Variants in CNTN5 observed in about 807,000 individuals in gnomAD.
The protein encoded by CNTN5 is contactin-5.
A neutral mutation model predicts 129.1 loss-of-function variants in CNTN5; 77 were observed. The observed-to-expected ratio is 0.60, with a 90% CI of 0.50 to 0.72. The LOEUF (loss-of-function observed/expected upper bound fraction) is 0.72, where lower values mean the gene tolerates loss of function less well. Ranked by LOEUF, CNTN5 falls within the 30% of genes least tolerant of loss-of-function variation. The pLI is 0.00. For synonymous variants in CNTN5, 509 were observed against 465.6 expected (o/e 1.09, Z -1.20); for missense variants, 1,478 against 1,328.8 (o/e 1.11, Z -1.75).
intron 1 of CNTN5, among the ~76,000 whole-genome samples, chr11:99,324,037 G>A (rs1169500430): frequency 6.6e-6 from 1 of 152,102 alleles, no homozygotes; most frequent in Non-Finnish European, 1.5e-5. Flanking sequence ...TATCAGAAAT[G>A]CAAGCTGAGA....
At chr11:99,349,575 A>G (rs186992943) in intron 2 of CNTN5, among the ~76,000 whole-genome samples, 32 of 152,290 alleles carry the variant, frequency 2.1e-4, no homozygotes, top group African/African-American at 7.7e-4. Context: ...TTATAAATAC[A>G]CCATGGTGTA....
intron 13 of CNTN5, among the ~76,000 whole-genome samples, chr11:100,134,885 G>A (rs138687921): frequency 1.3e-5 from 2 of 152,220 alleles, no homozygotes; most frequent in African/African-American, 4.8e-5. Flanking sequence ...CTCCAAACAT[G>A]AGGACATTGC....
chr11:99,175,714 AT>A (rs1857737499), intron 1 of CNTN5, among the ~76,000 whole-genome samples: 1 of 152,122 alleles, frequency 6.6e-6, no homozygotes, highest in Non-Finnish European at 1.5e-5. Flanking sequence ...CTACCATTAG[AT>A]AAACTGCAAA....
intron 3 of CNTN5, among the ~76,000 whole-genome samples, chr11:99,654,505 G>T (rs1952276678): frequency 6.6e-6 from 1 of 152,052 alleles, no homozygotes; most frequent in Admixed American, 6.6e-5. Flanking sequence ...CAATGGATAT[G>T]AAATGGTCCT....
intron 21 of CNTN5, among the ~76,000 whole-genome samples, chr11:100,319,145 TTTC>T (rs1471828503): frequency 2.7e-5 from 4 of 149,674 alleles, no homozygotes; most frequent in Non-Finnish European, 5.9e-5. Context: ...CTGTTTTCTT[TTTC>T]TTTTCTTTTT....
Position 99,587,498 on chromosome 11 carries a change from TAC to T in CNTN5, c.55+31231_55+31232del, listed in dbSNP as rs1479087236. Reference sequence around the variant, plus strand: ...TTACAGGATACCTGAGAGAAAAACCTACAGTTTGATGCTGTTTGCTACTAACG... The same window carrying T: ...TTACAGGATACCTGAGAGAAAAACCTAGTTTGATGCTGTTTGCTACTAACG... On this transcript the variant is annotated intron_variant, in intron 3 of 24. Coordinates refer to ENST00000524871, the MANE Select transcript of CNTN5 (RefSeq NM_014361.4). Among the ~76,000 whole-genome samples, 3 of 152,310 alleles carry T rather than the reference TAC, an allele frequency of 2.0e-5. No individual in the cohort carries two copies. In the East Asian group the frequency reaches 5.8e-4, roughly 29 times the overall value.
At chr11:99,289,671 T>A (rs1282076977) in intron 1 of CNTN5, among the ~76,000 whole-genome samples, 1 of 151,874 alleles carries the variant, frequency 6.6e-6, no homozygotes, top group East Asian at 1.9e-4. Context: ...TTTTAATCTT[T>A]CAGACCCATT....
chr11:99,074,131 A>G (rs1378619092), intron 1 of CNTN5, among the ~76,000 whole-genome samples: 1 of 152,128 alleles, frequency 6.6e-6, no homozygotes, highest in Non-Finnish European at 1.5e-5. Flanking sequence ...ATGACCAGTG[A>G]TATCGAGCTT....
At chr11:99,890,057 A>G (rs544605900) in intron 6 of CNTN5, among the ~76,000 whole-genome samples, 5 of 152,296 alleles carry the variant, frequency 3.3e-5, no homozygotes, top group African/African-American at 7.2e-5. Flanking sequence ...TTTGTCATGG[A>G]CCAAATAAAT....
intron 1 of CNTN5, among the ~76,000 whole-genome samples, chr11:99,041,664 A>T (rs1863987759): frequency 6.6e-6 from 1 of 152,214 alleles, no homozygotes; most frequent in Non-Finnish European, 1.5e-5. Context: ...CTACAATAAT[A>T]AGTAGCATAA....
chr11:99,735,861 C>A (rs965938509), intron 3 of CNTN5, among the ~76,000 whole-genome samples: 2 of 152,138 alleles, frequency 1.3e-5, no homozygotes, highest in Non-Finnish European at 2.9e-5. Flanking sequence ...ACTACAGTCA[C>A]GTTGCTGTAC....
chr11:99,332,963 A>G (rs1163630925), intron 2 of CNTN5, among the ~76,000 whole-genome samples: 1 of 152,050 alleles, frequency 6.6e-6, no homozygotes, highest in Non-Finnish European at 1.5e-5. Flanking sequence ...TAAAATATCC[A>G]TACTTTCATG....
At chr11:99,022,888 AAGG>A (rs1331945983) in intron 1 of CNTN5, among the ~76,000 whole-genome samples, 1 of 152,196 alleles carries the variant, frequency 6.6e-6, no homozygotes, top group Non-Finnish European at 1.5e-5. Context: ...AAAATTGAGA[AAGG>A]AGGAGAAAAA....
intron 13 of CNTN5, among the ~76,000 whole-genome samples, chr11:100,176,940 G>A (rs754722657): frequency 6.6e-6 from 1 of 151,676 alleles, no homozygotes; most frequent in African/African-American, 2.4e-5. Flanking sequence ...AGACAGTTCC[G>A]AGATCTTCCC....
At chr11:99,312,238 G>T (rs1865145078) in intron 1 of CNTN5, among the ~76,000 whole-genome samples, 1 of 152,154 alleles carries the variant, frequency 6.6e-6, no homozygotes. Flanking sequence ...AAATATTGCA[G>T]TGGAGTGGCA....
At chr11:99,159,148 T>C (rs907392844) in intron 1 of CNTN5, among the ~76,000 whole-genome samples, 8 of 152,170 alleles carry the variant, frequency 5.3e-5, no homozygotes, top group African/African-American at 1.9e-4. Context: ...GCTTGTAAGA[T>C]TCTCTGTTTC....
chr11:99,097,556 A>G (rs1385251453), intron 1 of CNTN5, among the ~76,000 whole-genome samples: 1 of 151,940 alleles, frequency 6.6e-6, no homozygotes, highest in Non-Finnish European at 1.5e-5. Flanking sequence ...GTGCATTTAC[A>G]GAGATAATAA....
intron 1 of CNTN5, among the ~76,000 whole-genome samples, chr11:99,253,248 G>T (rs1055245179): frequency 2.6e-5 from 4 of 152,024 alleles, no homozygotes; most frequent in African/African-American, 9.7e-5. Context: ...TGCCGTGTAA[G>T]AATGACTTCG....
At chr11:99,146,945 C>T (rs1859813964) in intron 1 of CNTN5, among the ~76,000 whole-genome samples, 1 of 152,118 alleles carries the variant, frequency 6.6e-6, no homozygotes, top group Admixed American at 6.5e-5. Context: ...TGGTCCTGAA[C>T]TCCTGGGCTC....
Sources: gnomAD v4.1 joint callset for allele counts (sites outside exome capture counted in the v4.1 genomes callset) on GRCh38, gnomAD v4.1.1 for gene constraint, MANE v1.5 for transcripts, NCBI Gene and HGNC (gene_info 2026-07-23, HGNC 2026-07-21) for gene names.